The following CDS2 variants were observed in gnomAD, a reference collection of about 807,000 sequenced individuals.
The protein encoded by CDS2 is CDP-diacylglycerol synthase 2.
A neutral mutation model predicts 59.0 loss-of-function variants in CDS2; 47 were observed. The observed-to-expected ratio is 0.80, with a 90% confidence interval of 0.63 to 1.02. The LOEUF (loss-of-function observed/expected upper bound fraction) is 1.02. Ranked by LOEUF, CDS2 falls within the 50% of genes least tolerant of loss-of-function variation. The probability of loss-of-function intolerance (pLI) is 0.00; values close to 1 mark genes in which losing one functional copy is unlikely to be tolerated. For synonymous variants in CDS2, 207 were observed against 206.4 expected (o/e 1.00, Z -0.02); for missense variants, 356 against 558.9 (o/e 0.64, Z 3.66).
At chr20:5,164,715 C>T (rs556858803) in intron 1 of CDS2, among the ~76,000 whole-genome samples, 15 of 152,202 alleles carry the variant, frequency 9.9e-5, no homozygotes, top group Non-Finnish European at 1.6e-4. Context: ...GACTAAGGAA[C>T]TGATAATAGA....
intron 1 of CDS2, among the ~76,000 whole-genome samples, chr20:5,145,822 G>GGTTTTTTTTTT (rs773575866): frequency 0.011 from 1,355 of 128,992 alleles, 25 homozygotes; most frequent in South Asian, 0.021. Flanking sequence ...TGCTTTTTGT[G>GGTTTTTTTTTT]TTTTTTTTTT....
At chr20:5,183,244 A>AATCCTCTGC in intron 7 of CDS2, 101 bp downstream of exon 7, 1 of 938,406 alleles carries the variant, frequency 1.1e-6, no homozygotes, top group Non-Finnish European at 1.7e-6. Context: ...GCCACATCAG[A>AATCCTCTGC]ATCCTCTGCA....
At chr20:5,135,819 G>C (rs1296391392) in intron 1 of CDS2, among the ~76,000 whole-genome samples, 1 of 152,194 alleles carries the variant, frequency 6.6e-6, no homozygotes, top group African/African-American at 2.4e-5. Flanking sequence ...GCAGCAAAGG[G>C]TATTCTGTGA....
At chr20:5,161,849 A>G (rs2090878839) in intron 1 of CDS2, among the ~76,000 whole-genome samples, 1 of 152,116 alleles carries the variant, frequency 6.6e-6, no homozygotes, top group Non-Finnish European at 1.5e-5. Flanking sequence ...ACTCTATTGG[A>G]CGTACTTGGC....
rs1600527102 is a variant in CDS2, at chr20:5,196,491, C to T, written c.*6257C>T. The T allele has an allele frequency of 6.6e-6, 1 of 152,212 alleles. No individual in the cohort carries two copies. Among genetic ancestry groups the T allele is most frequent in the East Asian group, 1.9e-4 (1 of 5,188 alleles). The allele number at this position is 152,212 out of a possible 1,614,324, so 9.4% of individuals were successfully genotyped here. A position where few individuals can be genotyped will look rare whatever the true frequency, so the allele number is the denominator to read the frequency against. Reference sequence around the variant, plus strand: ...CCCAGAGGACCTTGCCTGCATAAAGCACTCAGAAGGGTTAGCCACCTGGTG... The same window carrying T: ...CCCAGAGGACCTTGCCTGCATAAAGTACTCAGAAGGGTTAGCCACCTGGTG... On this transcript the variant is annotated 3_prime_UTR_variant, in exon 13 of 13. Coordinates refer to ENST00000460006, the MANE Select transcript of CDS2 (RefSeq NM_003818.4).
rs2091140310 is a variant in CDS2 at position 5,194,284 on chromosome 20, G to A, written c.*4050G>A. On this transcript the variant is annotated 3_prime_UTR_variant, in exon 13 of 13. Coordinates refer to ENST00000460006, the MANE Select transcript of CDS2 (RefSeq NM_003818.4). Reference sequence around the variant, plus strand: ...GACTCAGTTTCTCTTGTTGGGTGGGGGCCTTGTGCCACAACCTGCATGGGG... The same window carrying A: ...GACTCAGTTTCTCTTGTTGGGTGGGAGCCTTGTGCCACAACCTGCATGGGG... 6.6e-6 allele frequency: 1 copy of A among 152,312 alleles called. No individual in the cohort carries two copies. Among genetic ancestry groups the A allele is most frequent in the Non-Finnish European group, 1.5e-5 (1 of 68,144 alleles). The allele number at this position is 152,312 out of a possible 1,614,324, so 9.4% of individuals were successfully genotyped here. A position where few individuals can be genotyped will look rare whatever the true frequency, so the allele number is the denominator to read the frequency against.
At position 5,155,465 on chromosome 20, in the gene CDS2, T is replaced by C. The variant is rs2090825900; in HGVS notation, c.58-18058T>C. 4.6e-5 allele frequency among the ~76,000 whole-genome samples: 7 copies of C among 152,212 alleles called. 1 individual carries two copies. In the South Asian group the frequency reaches 1.4e-3, roughly 32 times the overall value. ...AAAATTATGGAAGGTGCCCTCTTAC[T>C]GTAAATATAACTCATAAAAAATCAT... On this transcript the variant is annotated intron_variant, in intron 1 of 12. Transcript: ENST00000460006.
At chr20:5,127,764 GGA>G (rs1217790749) in intron 1 of CDS2, among the ~76,000 whole-genome samples, 1 of 152,130 alleles carries the variant, frequency 6.6e-6, no homozygotes, top group Non-Finnish European at 1.5e-5. Context: ...GGGTAGGGGA[GGA>G]GAGTAGGAAG....
chr20:5,138,115 A>ATT lies in CDS2; in HGVS notation c.57+10966_57+10967insTT, dbSNP rs2090663256. Among the ~76,000 whole-genome samples, 3 of 125,512 alleles carry ATT rather than the reference A, an allele frequency of 2.4e-5. No individual in the cohort carries two copies. The South Asian group carries it at 9.2e-4, about 39-fold the overall frequency. 82.3% of individuals were successfully genotyped at this position (125,512 alleles called of 152,430 possible). Reference sequence around the variant, plus strand: ...CCTGGCCACATTTATCATTTCTTTAAATTTTTTTTTTTTTTTTGTAGAAAC... The same window carrying ATT: ...CCTGGCCACATTTATCATTTCTTTAATTATTTTTTTTTTTTTTTTGTAGAAAC... On this transcript the variant is annotated intron_variant, in intron 1 of 12. Transcript: ENST00000460006.
At chr20:5,182,299 C>A in intron 5 of CDS2, 88 bp from the exon 6 acceptor site, 1 of 1,157,902 alleles carries the variant, frequency 8.6e-7, no homozygotes, top group Non-Finnish European at 1.2e-6. Context: ...AATAAATTAG[C>A]CAAAGAACCA....
chr20:5,168,525 C>G lies in CDS2; in HGVS notation c.58-4998C>G, dbSNP rs745572684. The G allele has an allele frequency of 5.4e-4, 266 of 491,110 alleles. 1 individual carries two copies. The highest frequency in any genetic ancestry group is 9.8e-4 in the Non-Finnish European group (242 of 245,958). The allele number at this position is 491,110 out of a possible 1,614,324, so 30.4% of individuals were successfully genotyped here. ...CAGTGCCCAAGGGATTCTCTCTAGC[C>G]ATGGGCACAGCCACACTTTTTTGGG... On this transcript the variant is annotated intron_variant, in intron 1 of 12. Transcript: ENST00000460006.
intron 1 of CDS2, among the ~76,000 whole-genome samples, chr20:5,172,936 C>T (rs1330320433): frequency 6.6e-6 from 1 of 152,150 alleles, no homozygotes; most frequent in Non-Finnish European, 1.5e-5. Flanking sequence ...CACCCAGGGC[C>T]TGGTGGCAGG....
At chr20:5,168,314 C>T (rs1327523280) in intron 1 of CDS2, among the ~76,000 whole-genome samples, 1 of 149,368 alleles carries the variant, frequency 6.7e-6, no homozygotes, top group Non-Finnish European at 1.5e-5. Context: ...ACTTGGGAGG[C>T]TGAGGCAGGA....
chr20:5,157,103 G>A (rs1246291259), intron 1 of CDS2, among the ~76,000 whole-genome samples: 3 of 152,194 alleles, frequency 2.0e-5, no homozygotes, highest in African/African-American at 7.2e-5. Context: ...CAGGGATCTG[G>A]GTGGGAGGGG....
At chr20:5,172,189 G>A (rs893872193) in intron 1 of CDS2, among the ~76,000 whole-genome samples, 1 of 152,156 alleles carries the variant, frequency 6.6e-6, no homozygotes, top group Non-Finnish European at 1.5e-5. Flanking sequence ...AAGAAGTTAT[G>A]TTCTTGTCTT....
chr20:5,176,417 C>A, intron 3 of CDS2: 3 of 489,942 alleles, frequency 6.1e-6, no homozygotes, highest in Non-Finnish European at 1.1e-5. Context: ...ATTGAAACAT[C>A]AGGGTGTGTA....
intron 2 of CDS2, 150 bp from the exon 3 acceptor site, chr20:5,175,033 C>A: frequency 1.6e-6 from 1 of 636,508 alleles, no homozygotes; most frequent in Non-Finnish European, 2.8e-6. Context: ...CTCCTGCCAG[C>A]ATGTGGCTGG....
chr20:5,135,927 C>T (rs1382390178), intron 1 of CDS2, among the ~76,000 whole-genome samples: 2 of 152,176 alleles, frequency 1.3e-5, no homozygotes, highest in Non-Finnish European at 2.9e-5. Context: ...CCTGACCTGT[C>T]CTACCAAAGT....
chr20:5,163,765 T>C (rs1379137890), intron 1 of CDS2, among the ~76,000 whole-genome samples: 1 of 151,620 alleles, frequency 6.6e-6, no homozygotes, highest in Non-Finnish European at 1.5e-5. Context: ...CTATTTAGCA[T>C]TGTGGCTTTC....
Sources: gnomAD v4.1 joint callset for allele counts (sites outside exome capture counted in the v4.1 genomes callset) on GRCh38, gnomAD v4.1.1 for gene constraint, MANE v1.5 for transcripts, NCBI Gene and HGNC (gene_info 2026-07-23, HGNC 2026-07-21) for gene names.